Variants in NPEPPS observed in about 807,000 individuals in gnomAD.
The protein encoded by NPEPPS is puromycin-sensitive aminopeptidase.
In NPEPPS, 14 loss-of-function variants were observed where a neutral mutation model predicts 115.5. The observed-to-expected ratio is 0.12, with a 90% CI of 0.08 to 0.19. NPEPPS has a LOEUF of 0.19. Ranked by LOEUF, NPEPPS falls within the 10% of genes least tolerant of loss-of-function variation. NPEPPS has a pLI of 1.00. For missense variants in NPEPPS, 523 were observed against 1,110.8 expected, an observed-to-expected ratio of 0.47 and a Z score of 7.52; for synonymous variants, 285 against 390.6, an observed-to-expected ratio of 0.73 and a Z score of 3.19.
intron 19 of NPEPPS, among the ~76,000 whole-genome samples, chr17:47,616,736 G>GTGGTT (rs1383679184): frequency 4.0e-5 from 6 of 148,204 alleles, no homozygotes; most frequent in African/African-American, 1.5e-4. Flanking sequence ...AGTGAGCTGA[G>GTGGTT]GTAACACCAT....
At chr17:47,597,574 C>T (rs762500632) in intron 13 of NPEPPS, among the ~76,000 whole-genome samples, 1 of 151,918 alleles carries the variant, frequency 6.6e-6, no homozygotes, top group Non-Finnish European at 1.5e-5. Flanking sequence ...CTGTATTGCC[C>T]AGCCTGGTCT....
chr17:47,583,010 CTTTTTTT>C (rs745447996), intron 5 of NPEPPS, among the ~76,000 whole-genome samples, 161 bp downstream of exon 5: 2 of 135,146 alleles, frequency 1.5e-5, no homozygotes, highest in African/African-American at 5.4e-5. Flanking sequence ...CTTTTTCTTT[CTTTTTTT>C]TTTTTTTTTC....
chr17:47,596,437 C>T lies in NPEPPS; in HGVS notation c.1511C>T (p.Pro504Leu). ...MNTWTKQMGFPLIYVEAEQVE... is the reference protein window; with the variant it reads ...MNTWTKQMGFLLIYVEAEQVE... ...ACCTGGACCAAACAAATGGGATTTC[C>T]CCTCATTTATGTGGAAGCTGAACAG... Residue 504 changes from proline (P) to leucine (L), a missense_variant, in exon 13 of 23, where the codon CCC (proline) becomes CTC (leucine). Physicochemically the swap from Pro to Leu is moderately conservative, Grantham distance 98. Transcript: ENST00000322157. 1 of 1,587,878 alleles carries T rather than the reference C, an allele frequency of 6.3e-7. No homozygotes were observed. The highest frequency in any genetic ancestry group is 8.6e-7 in the Non-Finnish European group (1 of 1,165,660).
At chr17:47,548,871 G>A (rs1347007341) in intron 2 of NPEPPS, among the ~76,000 whole-genome samples, 2 of 151,618 alleles carry the variant, frequency 1.3e-5, no homozygotes, top group African/African-American at 4.8e-5. Context: ...CACTGCGCCC[G>A]ACCTGACTGA....
chr17:47,578,392 G>C (rs1178198742), intron 3 of NPEPPS, among the ~76,000 whole-genome samples: 3 of 151,808 alleles, frequency 2.0e-5, no homozygotes, highest in Non-Finnish European at 4.4e-5. Context: ...GATATAAGTA[G>C]GGCCTTTAAA....
intron 2 of NPEPPS, among the ~76,000 whole-genome samples, chr17:47,559,213 AT>A (rs897275440): frequency 6.6e-6 from 1 of 151,688 alleles, no homozygotes; most frequent in Non-Finnish European, 1.5e-5. Context: ...TGCCTGGCTA[AT>A]TTTTTTTAGT....
At chr17:47,615,890 T>G (rs1914169143) in intron 19 of NPEPPS, among the ~76,000 whole-genome samples, 1 of 152,226 alleles carries the variant, frequency 6.6e-6, no homozygotes, top group Non-Finnish European at 1.5e-5. Context: ...CGAATCATGG[T>G]TCTTCAAGAA....
intron 13 of NPEPPS, 147 bp downstream of exon 13, chr17:47,596,609 C>G: frequency 2.1e-6 from 1 of 471,498 alleles, no homozygotes; most frequent in Middle Eastern, 4.3e-4. Flanking sequence ...TTACAGCTTG[C>G]ATCATTAAAA....
chr17:47,582,559 G>A (rs1168030711), intron 4 of NPEPPS, 183 bp from the exon 5 acceptor site: 3 of 647,324 alleles, frequency 4.6e-6, no homozygotes, highest in Non-Finnish European at 8.6e-6. Context: ...TTGCTGGAAT[G>A]GCAGTGGTAG....
intron 15 of NPEPPS, chr17:47,602,044 C>T (rs946692822): frequency 3.5e-6 from 1 of 286,624 alleles, no homozygotes; most frequent in Admixed American, 5.0e-5. Context: ...CCTTCAAACT[C>T]CCCTGTCATT....
chr17:47,594,062 G>A (rs1912681799), intron 12 of NPEPPS, among the ~76,000 whole-genome samples: 1 of 152,106 alleles, frequency 6.6e-6, no homozygotes, highest in Admixed American at 6.5e-5. Flanking sequence ...GGCTGAGGTA[G>A]GAGGATCACT....
intron 22 of NPEPPS, among the ~76,000 whole-genome samples, chr17:47,620,807 C>G (rs1263471121): frequency 6.6e-6 from 1 of 152,158 alleles, no homozygotes; most frequent in Non-Finnish European, 1.5e-5. Context: ...GCTTTGTTTT[C>G]TGTGAAACCA....
At chr17:47,602,328 T>C (rs1365249498) in intron 15 of NPEPPS, among the ~76,000 whole-genome samples, 3 of 152,110 alleles carry the variant, frequency 2.0e-5, no homozygotes, top group African/African-American at 7.2e-5. Context: ...TGTGCTTTTT[T>C]TTAAAAAAAA....
At chr17:47,567,225 CTG>C (rs1415084287) in intron 2 of NPEPPS, among the ~76,000 whole-genome samples, 1 of 152,152 alleles carries the variant, frequency 6.6e-6, no homozygotes, top group Non-Finnish European at 1.5e-5. Context: ...TTTTCTTCAT[CTG>C]TAAAATGAGG....
chr17:47,606,539 C>A (rs568792788), intron 17 of NPEPPS, among the ~76,000 whole-genome samples: 2 of 151,850 alleles, frequency 1.3e-5, no homozygotes, highest in Non-Finnish European at 2.9e-5. Context: ...TTCACTGCAA[C>A]CTCTGCCTCC....
chr17:47,547,618 C>T (rs1465882540), intron 2 of NPEPPS, among the ~76,000 whole-genome samples: 1 of 152,144 alleles, frequency 6.6e-6, no homozygotes, highest in Non-Finnish European at 1.5e-5. Flanking sequence ...TTCGGCCTTG[C>T]AGGTTGCTGG....
intron 2 of NPEPPS, among the ~76,000 whole-genome samples, chr17:47,553,073 AG>A (rs1465728063): frequency 1.1e-4 from 16 of 152,102 alleles, no homozygotes; most frequent in African/African-American, 7.2e-5. Flanking sequence ...TGGAATCTTA[AG>A]ATCCTTGAGG....
At chr17:47,573,300 TTTAGGAATC>T (rs1911311113) in intron 3 of NPEPPS, among the ~76,000 whole-genome samples, 2 of 152,108 alleles carry the variant, frequency 1.3e-5, no homozygotes. Context: ...ACCTTTAAAA[TTTAGGAATC>T]AGAATAGTCC....
chr17:47,554,598 G>C (rs113266776), intron 2 of NPEPPS, among the ~76,000 whole-genome samples: 9 of 151,588 alleles, frequency 5.9e-5, no homozygotes, highest in Non-Finnish European at 7.4e-5. Context: ...GGCTTCAAGC[G>C]ATCCTCCTGC....
Sources: gnomAD v4.1 joint callset for allele counts (sites outside exome capture counted in the v4.1 genomes callset) on GRCh38, gnomAD v4.1.1 for gene constraint, MANE v1.5 for transcripts, NCBI Gene and HGNC (gene_info 2026-07-23, HGNC 2026-07-21) for gene names.